Variants in SAXO1 observed in about 807,000 individuals in gnomAD.
SAXO1 encodes 4930500O09Rik.
In SAXO1, 21 loss-of-function variants were observed where a neutral mutation model predicts 17.5. The ratio of observed to expected loss-of-function variants is 1.20; its 90% CI spans 0.85 to 1.72. SAXO1 has a LOEUF of 1.72. Ranked by LOEUF, SAXO1 falls within the 40% of genes most tolerant of loss-of-function variation. SAXO1 has a pLI of 0.00. For missense variants in SAXO1, 843 were observed against 596.0 expected (o/e 1.41, Z -4.32); for synonymous variants, 274 against 216.5 (o/e 1.27, Z -2.33).
intron 1 of SAXO1, among the ~76,000 whole-genome samples, chr9:19,000,410 G>T (rs148065621): frequency 1.4e-5 from 2 of 141,138 alleles, no homozygotes; most frequent in Non-Finnish European, 3.1e-5. Context: ...CCACCTGGCC[G>T]CCCACAGTCT....
intron 1 of SAXO1, among the ~76,000 whole-genome samples, chr9:18,968,703 C>T (rs1055466942): frequency 6.6e-6 from 1 of 151,890 alleles, no homozygotes; most frequent in African/African-American, 2.4e-5. Flanking sequence ...AAGTGATTCT[C>T]CTGCCTCAGC....
chr9:18,962,762 A>T (rs189196345), intron 1 of SAXO1, among the ~76,000 whole-genome samples: 5 of 152,274 alleles, frequency 3.3e-5, no homozygotes, highest in African/African-American at 9.6e-5. Flanking sequence ...TTGCCTGTTC[A>T]CTCTAATGAT....
At chr9:18,968,278 C>T (rs968889332) in intron 1 of SAXO1, among the ~76,000 whole-genome samples, 1 of 152,126 alleles carries the variant, frequency 6.6e-6, no homozygotes, top group Non-Finnish European at 1.5e-5. Context: ...CTCTTGGGCT[C>T]AAGCAATCCA....
intron 1 of SAXO1, among the ~76,000 whole-genome samples, chr9:18,965,743 C>A (rs1165084640): frequency 6.6e-6 from 1 of 152,136 alleles, no homozygotes; most frequent in Non-Finnish European, 1.5e-5. Flanking sequence ...AGCCCATTTA[C>A]ATTTAAGGTT....
intron 1 of SAXO1, among the ~76,000 whole-genome samples, chr9:19,023,649 G>C (rs1217666365): frequency 6.6e-6 from 1 of 152,098 alleles, no homozygotes; most frequent in African/African-American, 2.4e-5. Context: ...TAAGAAAAGT[G>C]ACAAGAATGG....
intron 1 of SAXO1, among the ~76,000 whole-genome samples, chr9:19,030,328 G>A (rs1449510084): frequency 2.0e-5 from 3 of 152,158 alleles, no homozygotes; most frequent in Non-Finnish European, 2.9e-5. Flanking sequence ...ACAAAAATGA[G>A]AGAACCAGGG....
At chr9:19,042,334 A>G (rs558658018) in intron 1 of SAXO1, among the ~76,000 whole-genome samples, 80 of 152,322 alleles carry the variant, frequency 5.3e-4, no homozygotes, top group Middle Eastern at 3.4e-3. Flanking sequence ...ACCGCTGTAC[A>G]CTGTTGGTGG....
intron 1 of SAXO1, among the ~76,000 whole-genome samples, chr9:18,970,643 A>G (rs144952485): frequency 4.5e-4 from 68 of 152,298 alleles, no homozygotes; most frequent in African/African-American, 1.4e-3. Context: ...CAGCAGGTGA[A>G]CTGGTGACAA....
intron 1 of SAXO1, among the ~76,000 whole-genome samples, chr9:19,002,872 T>A (rs974631058): frequency 2.0e-5 from 3 of 152,192 alleles, no homozygotes; most frequent in African/African-American, 7.2e-5. Context: ...CTATTCAGCA[T>A]AGTATTGGAA....
chr9:19,024,395 G>A (rs146753631), intron 1 of SAXO1, among the ~76,000 whole-genome samples: 7 of 149,218 alleles, frequency 4.7e-5, no homozygotes, highest in African/African-American at 1.7e-4. Context: ...TGAACAATGA[G>A]AACACATGGA....
intron 1 of SAXO1, among the ~76,000 whole-genome samples, chr9:18,993,723 T>A (rs10963896): frequency 0.51 from 77,911 of 151,954 alleles, 21,709 homozygotes; most frequent in Non-Finnish European, 0.63. Flanking sequence ...CCAACAGTCA[T>A]CAAGACCTTC....
intron 1 of SAXO1, among the ~76,000 whole-genome samples, chr9:18,998,302 G>A (rs550156446): frequency 3.5e-4 from 54 of 152,170 alleles, no homozygotes; most frequent in South Asian, 6.2e-4. Flanking sequence ...CACAGTAAGA[G>A]AACTGCATGA....
intron 1 of SAXO1, among the ~76,000 whole-genome samples, chr9:18,982,924 T>C (rs1426238339): frequency 1.3e-5 from 2 of 152,148 alleles, no homozygotes; most frequent in Non-Finnish European, 2.9e-5. Flanking sequence ...ATTGTTTTGA[T>C]AGATGTATTT....
At chr9:18,996,717 A>T (rs953370808) in intron 1 of SAXO1, among the ~76,000 whole-genome samples, 26 of 152,116 alleles carry the variant, frequency 1.7e-4, no homozygotes, top group Non-Finnish European at 3.7e-4. Context: ...CGGATGAAAA[A>T]CTCACAGTGA....
intron 2 of SAXO1, among the ~76,000 whole-genome samples, chr9:18,947,356 C>T (rs1831842547): frequency 6.6e-6 from 1 of 152,218 alleles, no homozygotes; most frequent in South Asian, 2.1e-4. Flanking sequence ...CTCCCTTACT[C>T]TCCTTGGTTT....
At chr9:19,044,597 C>T (rs1269911779) in intron 1 of SAXO1, among the ~76,000 whole-genome samples, 1 of 152,186 alleles carries the variant, frequency 6.6e-6, no homozygotes, top group Non-Finnish European at 1.5e-5. Flanking sequence ...GGCGCGGTAG[C>T]TCACGCCTGT....
At position 18,928,446 on chromosome 9, in the gene SAXO1, T is replaced by C; in HGVS notation, c.1031A>G (p.Tyr344Cys). 1 of 1,610,132 alleles carries C rather than the reference T, an allele frequency of 6.2e-7. No individual in the cohort carries two copies. Reference sequence around the variant, plus strand: ...TGTGCGCATGCTGGACCACTGCTTGTAGTCATCCTTGGTGGTGGAAGAGCC... The same window carrying C: ...TGTGCGCATGCTGGACCACTGCTTGCAGTCATCCTTGGTGGTGGAAGAGCC... ...FEGSSTTKDD[Y>C]KQWSSMRTEP... The change falls in exon 4 of 4, where the codon TAC becomes TGC. Residue 344 changes from tyrosine to cysteine, a missense_variant. Physicochemically the swap from Tyr to Cys is radical, Grantham distance 194 (BLOSUM62 -2). Coordinates refer to ENST00000380534, the MANE Select transcript of SAXO1 (RefSeq NM_153707.4).
At chr9:19,010,598 A>G (rs995874580) in intron 1 of SAXO1, among the ~76,000 whole-genome samples, 2 of 152,202 alleles carry the variant, frequency 1.3e-5, no homozygotes, top group African/African-American at 4.8e-5. Flanking sequence ...TAGTCCTGGT[A>G]AAGGCCCTTC....
chr9:18,981,664 T>A (rs1833389706), intron 1 of SAXO1, among the ~76,000 whole-genome samples: 1 of 152,174 alleles, frequency 6.6e-6, no homozygotes, highest in African/African-American at 2.4e-5. Flanking sequence ...GGGTGATAAC[T>A]CCTGAGGGCC....
Sources: allele counts gnomAD v4.1 joint callset (sites outside exome capture counted in the v4.1 genomes callset), GRCh38; gene constraint gnomAD v4.1.1; transcripts MANE v1.5; gene names NCBI Gene and HGNC (gene_info 2026-07-23, HGNC 2026-07-21).